The following ANK3 variants were observed in gnomAD, a reference collection of about 807,000 sequenced individuals.
ANK3 encodes the protein ankyrin-3.
In ANK3, 57 loss-of-function variants were observed where a neutral mutation model predicts 370.9. The ratio of observed to expected loss-of-function variants is 0.15; its 90% CI spans 0.12 to 0.19. The LOEUF (loss-of-function observed/expected upper bound fraction) is 0.19. ANK3 is among the 10% of genes least tolerant of loss of function. ANK3 has a pLI of 1.00. For missense variants in ANK3, 4,439 were observed against 5,302.1 expected (o/e 0.84, Z 5.06); for synonymous variants, 1,929 against 1,946.3 (o/e 0.99, Z 0.23).
At chr10:60,340,775 C>T (rs1050130440) in intron 1 of ANK3, among the ~76,000 whole-genome samples, 11 of 152,114 alleles carry the variant, frequency 7.2e-5, no homozygotes, top group South Asian at 2.1e-4. Context: ...GTAGTACAAA[C>T]GGTGGCAACG....
intron 1 of ANK3, among the ~76,000 whole-genome samples, chr10:60,646,817 A>G (rs1422896272): frequency 6.6e-6 from 1 of 152,156 alleles, no homozygotes; most frequent in Non-Finnish European, 1.5e-5. Context: ...CCAGTGTAGA[A>G]GTTGCTAAGG....
At chr10:60,146,409 G>A (rs1406795120) in intron 23 of ANK3, among the ~76,000 whole-genome samples, 1 of 152,178 alleles carries the variant, frequency 6.6e-6, no homozygotes, top group Non-Finnish European at 1.5e-5. Flanking sequence ...CAGGTAAAGA[G>A]CATAGTACCT....
At chr10:60,450,439 A>G (rs1201800097) in intron 2 of ANK3, among the ~76,000 whole-genome samples, 1 of 152,212 alleles carries the variant, frequency 6.6e-6, no homozygotes, top group Non-Finnish European at 1.5e-5. Flanking sequence ...AGCTCTTTCT[A>G]GACAGTATGA....
At chr10:60,410,671 A>AT (rs1033497765) in intron 2 of ANK3, among the ~76,000 whole-genome samples, 19 of 151,336 alleles carry the variant, frequency 1.3e-4, no homozygotes, top group African/African-American at 4.6e-4. Context: ...CTCTCACCCA[A>AT]TTTTTTTTTC....
intron 42 of ANK3, chr10:60,043,474 G>T (rs2076456605): frequency 1.0e-6 from 1 of 985,196 alleles, no homozygotes; most frequent in African/African-American, 1.7e-5. Context: ...AAAATAACCA[G>T]AGATGTTTTC....
intron 2 of ANK3, among the ~76,000 whole-genome samples, chr10:60,530,408 TTA>T (rs894171034): frequency 2.0e-5 from 3 of 151,700 alleles, no homozygotes; most frequent in African/African-American, 7.3e-5. Context: ...TCTAAATATT[TTA>T]TGTGCTTAAA....
chr10:60,203,182 T>C, intron 11 of ANK3, 82 bp from the exon 12 acceptor site: 1 of 856,930 alleles, frequency 1.2e-6, no homozygotes, highest in African/African-American at 1.7e-5. Flanking sequence ...CTGTCATCCA[T>C]CCACCCATCT....
At chr10:60,043,912 A>T in intron 42 of ANK3, 10 of 985,838 alleles carry the variant, frequency 1.0e-5, no homozygotes, top group Non-Finnish European at 1.1e-5. Flanking sequence ...AATGTTAGGA[A>T]GAAAAGTATT....
intron 2 of ANK3, among the ~76,000 whole-genome samples, chr10:60,446,422 G>A (rs1567047559): frequency 6.6e-6 from 1 of 152,066 alleles, no homozygotes; most frequent in African/African-American, 2.4e-5. Flanking sequence ...TTGCTAGTGA[G>A]CCCCCCCTTC....
At chr10:60,177,404 A>G (rs996432538) in intron 18 of ANK3, among the ~76,000 whole-genome samples, 7 of 152,112 alleles carry the variant, frequency 4.6e-5, no homozygotes, top group African/African-American at 1.7e-4. Context: ...ATTGGCCCCC[A>G]GTAATCTACA....
intron 2 of ANK3, among the ~76,000 whole-genome samples, chr10:60,516,702 G>A (rs1473734107): frequency 6.6e-6 from 1 of 152,090 alleles, no homozygotes; most frequent in Non-Finnish European, 1.5e-5. Context: ...AGGAATTCAA[G>A]GCTGCTATGA....
chr10:60,550,842 C>T (rs2077072947), intron 2 of ANK3, among the ~76,000 whole-genome samples: 1 of 152,024 alleles, frequency 6.6e-6, no homozygotes, highest in African/African-American at 2.4e-5. Flanking sequence ...GATTTTTACT[C>T]ATACACTAGA....
intron 2 of ANK3, among the ~76,000 whole-genome samples, chr10:60,483,072 G>A (rs1567080289): frequency 1.3e-5 from 2 of 152,258 alleles, no homozygotes; most frequent in East Asian, 1.9e-4. Flanking sequence ...TTTAATCCTT[G>A]TAACAATTTA....
intron 2 of ANK3, among the ~76,000 whole-genome samples, chr10:60,597,236 C>T (rs985178976): frequency 4.6e-5 from 7 of 152,118 alleles, no homozygotes; most frequent in Non-Finnish European, 1.0e-4. Context: ...TATGAATTCT[C>T]CCTCCTACCA....
intron 2 of ANK3, among the ~76,000 whole-genome samples, chr10:60,594,631 GA>G (rs780784338): frequency 6.6e-5 from 10 of 151,994 alleles, no homozygotes; most frequent in East Asian, 1.9e-4. Context: ...GACTATATGT[GA>G]AAAAAATATA....
chr10:60,674,950 T>G (rs1321035917), intron 1 of ANK3, among the ~76,000 whole-genome samples: 1 of 152,168 alleles, frequency 6.6e-6, no homozygotes, highest in Admixed American at 6.5e-5. Flanking sequence ...AAACCATATA[T>G]TTGAGTCCTG....
At chr10:60,305,924 T>A (rs1023115412) in intron 1 of ANK3, among the ~76,000 whole-genome samples, 1 of 152,142 alleles carries the variant, frequency 6.6e-6, no homozygotes, top group African/African-American at 2.4e-5. Context: ...GGCGTTAACA[T>A]TTTCCATCTC....
intron 1 of ANK3, among the ~76,000 whole-genome samples, chr10:60,669,609 T>C (rs1229733367): frequency 1.3e-5 from 2 of 152,128 alleles, no homozygotes; most frequent in Non-Finnish European, 2.9e-5. Context: ...TTAGCCTCCT[T>C]CTCAGCAGCC....
At chr10:60,724,155 AG>A (rs532276970) in intron 1 of ANK3, among the ~76,000 whole-genome samples, 18 of 122,966 alleles carry the variant, frequency 1.5e-4, no homozygotes, top group African/African-American at 5.1e-4. Context: ...GCTTGCAGTG[AG>A]CCGAGATCGC....
Sources: allele counts gnomAD v4.1 joint callset (sites outside exome capture counted in the v4.1 genomes callset), GRCh38; gene constraint gnomAD v4.1.1; transcripts MANE v1.5; gene names NCBI Gene and HGNC (gene_info 2026-07-23, HGNC 2026-07-21).